The following POU6F2 variants were observed in gnomAD, a reference collection of about 807,000 sequenced individuals.
The protein encoded by POU6F2 is POU class 6 homeobox 2.
Under a neutral mutation model 71.3 loss-of-function variants are expected in POU6F2, and 31 were observed. That is an observed-to-expected ratio of 0.43 (90% CI 0.33 to 0.59). The LOEUF (loss-of-function observed/expected upper bound fraction) is 0.59, where lower values mean the gene tolerates loss of function less well. POU6F2 is among the 20% of genes least tolerant of loss of function. The pLI is 0.04. For missense variants in POU6F2, 783 were observed against 856.8 expected (o/e 0.91, Z 1.07); for synonymous variants, 347 against 355.7 (o/e 0.98, Z 0.27).
chr7:39,066,842 TATA>T (rs1470379125), intron 1 of POU6F2, among the ~76,000 whole-genome samples: 2 of 148,644 alleles, frequency 1.3e-5, no homozygotes, highest in Non-Finnish European at 3.0e-5. Flanking sequence ...TTTGCCCTAT[TATA>T]TAGGTTATAT....
intron 2 of POU6F2, among the ~76,000 whole-genome samples, chr7:39,167,753 T>C (rs758222315): frequency 2.4e-4 from 36 of 152,060 alleles, no homozygotes; most frequent in Non-Finnish European, 3.7e-4. Context: ...ATAGGCAATG[T>C]TATATTTTAT....
In POU6F2 at chr7:39,301,145, C is replaced by T. The variant is rs1318365198; in HGVS notation, c.599-38497C>T. Among the ~76,000 whole-genome samples, 7 of 152,178 alleles carry T rather than the reference C, an allele frequency of 4.6e-5. No individual in the cohort carries two copies. The East Asian group carries it at 7.7e-4, about 17-fold the overall frequency. On this transcript the variant is annotated intron_variant, in intron 4 of 9. Transcript: ENST00000518318. The stretch of plus-strand genomic sequence containing the variant: ...TTTCAGTGGCTATTTAATAGTTTTT[C>T]GACTCCTTTTCTTTGCTATCCTGTA...
At chr7:39,266,486 G>T (rs1784244432) in intron 4 of POU6F2, among the ~76,000 whole-genome samples, 2 of 152,022 alleles carry the variant, frequency 1.3e-5, no homozygotes, top group South Asian at 4.2e-4. Context: ...CCCAGGGATT[G>T]GTCCCTTGCA....
chr7:39,454,356 C>T (rs1018227482), intron 8 of POU6F2, among the ~76,000 whole-genome samples: 1 of 151,822 alleles, frequency 6.6e-6, no homozygotes, highest in Admixed American at 6.6e-5. Context: ...AATCTCCAGC[C>T]CCTCTTCTCT....
intron 5 of POU6F2, among the ~76,000 whole-genome samples, chr7:39,365,587 T>G (rs1428198208): frequency 6.6e-6 from 1 of 152,032 alleles, no homozygotes; most frequent in East Asian, 1.9e-4. Flanking sequence ...ATCATCAGAG[T>G]AAACAGACAA....
chr7:39,270,733 A>C (rs1409888494), intron 4 of POU6F2, among the ~76,000 whole-genome samples: 1 of 152,132 alleles, frequency 6.6e-6, no homozygotes, highest in Non-Finnish European at 1.5e-5. Context: ...TGGTGCACTC[A>C]AACTTTATCT....
intron 4 of POU6F2, among the ~76,000 whole-genome samples, chr7:39,254,789 G>A (rs887652175): frequency 6.6e-6 from 1 of 152,128 alleles, no homozygotes; most frequent in Admixed American, 6.5e-5. Context: ...GATCTGCCCT[G>A]CTCATGCATT....
At chr7:39,014,420 A>G (rs920396667) in intron 1 of POU6F2, among the ~76,000 whole-genome samples, 2 of 152,194 alleles carry the variant, frequency 1.3e-5, no homozygotes, top group South Asian at 4.1e-4. Flanking sequence ...GAAGGGGATA[A>G]AATTAATTTT....
intron 4 of POU6F2, among the ~76,000 whole-genome samples, chr7:39,258,902 G>A (rs757153685): frequency 6.6e-6 from 1 of 152,150 alleles, no homozygotes; most frequent in Admixed American, 6.5e-5. Context: ...ATTTGTAACT[G>A]TTAGGAATGG....
intron 8 of POU6F2, among the ~76,000 whole-genome samples, chr7:39,453,313 A>C (rs1422280677): frequency 6.6e-6 from 1 of 152,210 alleles, no homozygotes; most frequent in Non-Finnish European, 1.5e-5. Flanking sequence ...AATTAAAAAA[A>C]AAAACTTTTC....
rs145124991 is a variant in POU6F2 at position 39,020,469 on chromosome 7, T to C, written c.105+42411T>C. ...TGAGGACAAAGTATGGGCTAAATGGTATTTCTTCTTTGGGGGATTTTTTGA... is the reference window on the plus strand; with the variant it reads ...TGAGGACAAAGTATGGGCTAAATGGCATTTCTTCTTTGGGGGATTTTTTGA... On this transcript the variant is annotated intron_variant, in intron 1 of 9. Transcript: ENST00000518318. 4.1e-3 allele frequency among the ~76,000 whole-genome samples: 617 copies of C among 152,220 alleles called. 10 individuals carry two copies. Among genetic ancestry groups the C allele is most frequent in the African/African-American group, 0.014 (580 of 41,530 alleles).
intron 4 of POU6F2, among the ~76,000 whole-genome samples, chr7:39,255,117 TG>T (rs1310193882): frequency 6.6e-6 from 1 of 152,202 alleles, no homozygotes; most frequent in African/African-American, 2.4e-5. Flanking sequence ...AATATACAAA[TG>T]AAAAGTTAGT....
chr7:39,067,202 A>G (rs1410578921), intron 1 of POU6F2, among the ~76,000 whole-genome samples: 1 of 149,990 alleles, frequency 6.7e-6, no homozygotes, highest in Admixed American at 6.6e-5. Context: ...TAATATGCCA[A>G]TGGATTATTC....
intron 4 of POU6F2, among the ~76,000 whole-genome samples, chr7:39,304,683 C>T (rs1019626792): frequency 2.6e-5 from 4 of 152,102 alleles, no homozygotes; most frequent in African/African-American, 7.2e-5. Flanking sequence ...AAATAATGCC[C>T]CATGCAAGCT....
intron 4 of POU6F2, among the ~76,000 whole-genome samples, chr7:39,302,658 A>G (rs1450958355): frequency 6.6e-6 from 1 of 152,264 alleles, no homozygotes; most frequent in Non-Finnish European, 1.5e-5. Context: ...ACTTGAAAGA[A>G]ACAATCAATG....
intron 3 of POU6F2, among the ~76,000 whole-genome samples, chr7:39,206,099 T>C (rs909087369): frequency 2.0e-5 from 3 of 152,198 alleles, no homozygotes; most frequent in Non-Finnish European, 4.4e-5. Flanking sequence ...TATTATACAT[T>C]GAGCTTAGTA....
Position 39,051,973 on chromosome 7 carries a change from C to T in POU6F2, c.106-33887C>T, listed in dbSNP as rs1818940. Reference sequence around the variant, plus strand: ...CATTTGTGTGGCGATTCACCTGTCACGTACTCATGAACACTGAACTGGCTA... The same window carrying T: ...CATTTGTGTGGCGATTCACCTGTCATGTACTCATGAACACTGAACTGGCTA... On this transcript the variant is annotated intron_variant, in intron 1 of 9. Coordinates refer to ENST00000518318, the MANE Select transcript of POU6F2 (RefSeq NM_001370959.1). 9.2e-3 allele frequency among the ~76,000 whole-genome samples: 1,397 copies of T among 152,230 alleles called. 21 individuals carry two copies. The highest frequency in any genetic ancestry group is 0.032 in the African/African-American group (1,334 of 41,556).
intron 4 of POU6F2, among the ~76,000 whole-genome samples, chr7:39,319,008 G>A (rs1785329562): frequency 6.6e-6 from 1 of 152,054 alleles, no homozygotes; most frequent in Non-Finnish European, 1.5e-5. Flanking sequence ...TGGATGTGGT[G>A]GTGCATGCAG....
At chr7:39,463,750 G>A (rs551790108) in intron 9 of POU6F2, among the ~76,000 whole-genome samples, 17 of 152,248 alleles carry the variant, frequency 1.1e-4, no homozygotes, top group South Asian at 1.0e-3. Context: ...TGTAAAACAC[G>A]TAAAGAATCA....
Sources: allele counts gnomAD v4.1 joint callset (sites outside exome capture counted in the v4.1 genomes callset), GRCh38; gene constraint gnomAD v4.1.1; transcripts MANE v1.5; gene names NCBI Gene and HGNC (gene_info 2026-07-23, HGNC 2026-07-21).